Variants in NLRC4 observed in about 807,000 individuals in gnomAD.
The protein encoded by NLRC4 is NLR family CARD domain containing 4.
In NLRC4, 63 loss-of-function variants were observed where a neutral mutation model predicts 79.9. That is an observed-to-expected ratio of 0.79 (90% CI 0.64 to 0.97). The LOEUF (loss-of-function observed/expected upper bound fraction) is 0.97. Ranked by LOEUF, NLRC4 falls within the 50% of genes least tolerant of loss-of-function variation. The probability of loss-of-function intolerance (pLI) is 0.00; values close to 1 mark genes in which losing one functional copy is unlikely to be tolerated. For synonymous variants in NLRC4, 461 were observed against 456.5 expected (o/e 1.01, Z -0.12); for missense variants, 1,074 against 1,215.2 (o/e 0.88, Z 1.73).
At chr2:32,247,202 G>A (rs1052156130) in intron 4 of NLRC4, among the ~76,000 whole-genome samples, 2 of 152,214 alleles carry the variant, frequency 1.3e-5, no homozygotes, top group African/African-American at 4.8e-5. Flanking sequence ...CTTGAAGTAG[G>A]GCAGGGTGCC....
intron 1 of NLRC4, among the ~76,000 whole-genome samples, chr2:32,257,426 G>C (rs2148946658): frequency 6.6e-6 from 1 of 152,136 alleles, no homozygotes; most frequent in Non-Finnish European, 1.5e-5. Context: ...TGACCAACAT[G>C]GTGAATCCTG....
intron 4 of NLRC4, among the ~76,000 whole-genome samples, chr2:32,246,490 G>C (rs1686940828): frequency 6.6e-6 from 1 of 152,198 alleles, no homozygotes; most frequent in African/African-American, 2.4e-5. Context: ...TGACAAGCAA[G>C]GCAGAGCTGG....
chr2:32,251,045 G>A lies in NLRC4; in HGVS notation c.819C>T (p.Asn273=), dbSNP rs777122100. 6.2e-7 allele frequency: 1 copy of A among 1,614,200 alleles called. No homozygotes were observed. Among genetic ancestry groups the A allele is most frequent in the South Asian group, 1.1e-5 (1 of 91,082 alleles). The change falls in exon 4 of 9, where the codon AAC becomes AAT. Residue 273 remains asparagine, a synonymous_variant. Coordinates refer to ENST00000402280, the MANE Select transcript of NLRC4 (RefSeq NM_001199138.2). ...ALIKENHRFK[N]MVIVTTTTEC... is the part of the protein sequence containing the mutation. ...CAGTGGTAGTGGTGACGATGACCAT[G>A]TTCTTGAAGCGGTGGTTTTCCTTTA...
chr2:32,249,522 A>C, intron 4 of NLRC4, 85 bp downstream of exon 4: 1 of 1,101,284 alleles, frequency 9.1e-7, no homozygotes, highest in Non-Finnish European at 1.3e-6. Context: ...TAGAAGAAAT[A>C]AAGTCTCCTC....
At chr2:32,242,554 A>T (rs1209799680) in intron 4 of NLRC4, among the ~76,000 whole-genome samples, 2 of 152,252 alleles carry the variant, frequency 1.3e-5, no homozygotes, top group Non-Finnish European at 1.5e-5. Context: ...AGGCACAGAT[A>T]TGTTCACTTG....
At chr2:32,232,579 T>C (rs966818307) in intron 8 of NLRC4, among the ~76,000 whole-genome samples, 3 of 152,328 alleles carry the variant, frequency 2.0e-5, no homozygotes, top group African/African-American at 7.2e-5. Context: ...CCATTGCATC[T>C]ATCACACACA....
rs57570626 is a variant in NLRC4, at chr2:32,259,262, ATTTTTTTT to A, written c.-118-2377_-118-2370del. On this transcript the variant is annotated intron_variant, in intron 1 of 8. Transcript: ENST00000402280. ...AGGTGTGTGCCACCATGCCTGGCTA[ATTTTTTTT>A]TTTTTTTTTTTTTTTTTTTTAGAGA... Among the ~76,000 whole-genome samples, 91 of 52,896 alleles carry A rather than the reference ATTTTTTTT, an allele frequency of 1.7e-3. 2 individuals are homozygous for A. The highest frequency in any genetic ancestry group is 7.7e-3 in the African/African-American group (82 of 10,698). The allele number at this position is 52,896 out of a possible 152,430, so 34.7% of individuals were successfully genotyped here. A position where few individuals can be genotyped will look rare whatever the true frequency, so the allele number is the denominator to read the frequency against.
chr2:32,251,316 G>A lies in NLRC4; in HGVS notation c.548C>T (p.Ala183Val). Residue 183 changes from alanine (A) to valine (V), a missense_variant, in exon 4 of 9, where the codon GCC becomes GTC. Coordinates refer to ENST00000402280, the MANE Select transcript of NLRC4 (RefSeq NM_001199138.2). Reference sequence around the variant, plus strand: ...GCACTTTCCGGAGCCCCAGAGCATGGCAATTCGCTGCAGCAGAGTGGACTT... The same window carrying A: ...GCACTTTCCGGAGCCCCAGAGCATGACAATTCGCTGCAGCAGAGTGGACTT... ...KGKSTLLQRIAMLWGSGKCKA... is the reference protein window; with the variant it reads ...KGKSTLLQRIVMLWGSGKCKA... 6.2e-7 allele frequency: 1 copy of A among 1,614,112 alleles called. No individual in the cohort carries two copies. Among genetic ancestry groups the A allele is most frequent in the Non-Finnish European group, 8.5e-7 (1 of 1,180,022 alleles).
chr2:32,250,814 A>G lies in NLRC4; in HGVS notation c.1050T>C (p.Gly350=). The part of the protein sequence containing the change: ...FVVITCAIQM[G]ESEFHSHTQT... ...GTGTGTGAGAGTGGAACTCACTTTC[A>G]CCCATCTGGATTGCACAAGTGATGA... The change falls in exon 4 of 9, where the codon GGT becomes GGC. Residue 350 remains glycine, a synonymous_variant. Transcript: ENST00000402280. The surrounding 1 kb of genome is among the most constrained non-coding windows in gnomAD (Gnocchi z 4.9). 6.2e-7 allele frequency: 1 copy of G among 1,614,082 alleles called. No individual in the cohort carries two copies. Among genetic ancestry groups the G allele is most frequent in the Non-Finnish European group, 8.5e-7 (1 of 1,179,994 alleles).
At chr2:32,233,676 G>T (rs1686606846) in intron 8 of NLRC4, among the ~76,000 whole-genome samples, 1 of 151,998 alleles carries the variant, frequency 6.6e-6, no homozygotes, top group South Asian at 2.1e-4. Context: ...AATTTTGGGG[G>T]ATTTTTTAAG....
Position 32,237,945 on chromosome 2 carries a change from C to G in NLRC4, c.2521+187G>C, listed in dbSNP as rs567870722. Among the ~76,000 whole-genome samples the G allele has an allele frequency of 1.1e-4, 16 of 152,306 alleles. No homozygotes were observed. The South Asian group carries it at 3.3e-3, about 32-fold the overall frequency. On this transcript the variant is annotated intron_variant, in intron 6 of 8. Transcript: ENST00000402280. ...TCTGAAATTCTCCCCTATTATCCAT[C>G]AATAGTTGATTTAATTCTAATATGG... is the stretch of plus-strand genomic sequence containing the variant.
intron 8 of NLRC4, among the ~76,000 whole-genome samples, chr2:32,229,188 G>A (rs1198252059): frequency 6.6e-6 from 1 of 151,952 alleles, no homozygotes; most frequent in African/African-American, 2.4e-5. Context: ...CCAGCACTTT[G>A]GGAGGCTGAA....
At chr2:32,238,356 C>T in intron 5 of NLRC4, 54 bp from the exon 6 acceptor site, 1 of 1,442,176 alleles carries the variant, frequency 6.9e-7, no homozygotes, top group South Asian at 1.2e-5. Context: ...TCGATTTAAG[C>T]ATAGATTAAT....
At chr2:32,253,306 C>T (rs1687127210) in intron 2 of NLRC4, among the ~76,000 whole-genome samples, 1 of 151,774 alleles carries the variant, frequency 6.6e-6, no homozygotes, top group African/African-American at 2.4e-5. Flanking sequence ...CGCACCACCA[C>T]ACTCAGCTAA....
At chr2:32,233,403 G>T (rs1219491485) in intron 8 of NLRC4, among the ~76,000 whole-genome samples, 1 of 134,712 alleles carries the variant, frequency 7.4e-6, no homozygotes, top group Non-Finnish European at 1.5e-5. Context: ...TATTGCCCAG[G>T]CTGGTTTCAA....
intron 5 of NLRC4, 24 bp from the exon 6 acceptor site, chr2:32,238,326 C>T (rs1338801686): frequency 3.8e-6 from 6 of 1,580,374 alleles, no homozygotes; most frequent in African/African-American, 1.4e-5. Context: ...GAAAGGAATG[C>T]ATTAGGATAC....
chr2:32,230,566 G>T (rs763839389), intron 8 of NLRC4, among the ~76,000 whole-genome samples: 1 of 150,732 alleles, frequency 6.6e-6, no homozygotes, highest in African/African-American at 2.5e-5. Flanking sequence ...CCACCTTCTC[G>T]GTTCAAGAGA....
chr2:32,233,044 C>T (rs537407392), intron 8 of NLRC4, among the ~76,000 whole-genome samples: 1 of 144,266 alleles, frequency 6.9e-6, no homozygotes, highest in Admixed American at 7.2e-5. Flanking sequence ...CCCAGAAGTT[C>T]AAGGTTAGTG....
rs758911792 is a variant in NLRC4 at position 32,224,706 on chromosome 2, G to A, written c.2842C>T (p.Arg948Cys). The change falls in exon 9 of 9, where the codon CGT becomes TGT. Residue 948 changes from arginine to cysteine, a missense_variant. Arg to Cys is a radical substitution (Grantham distance 180, BLOSUM62 -3). Coordinates refer to ENST00000402280, the MANE Select transcript of NLRC4 (RefSeq NM_001199138.2). ...NFQQLNLAGN[R>C]VSSDGWLAFM... ...GCAAGCCATCCATCACTGCTCACAC[G>A]ATTTCCCGCCAAATTCAACTGCTGG... 25 of 1,602,886 alleles carry A rather than the reference G, an allele frequency of 1.6e-5. No homozygotes were observed. The highest frequency in any genetic ancestry group is 3.4e-5 in the South Asian group (3 of 88,552).
Sources: allele counts gnomAD v4.1 joint callset (sites outside exome capture counted in the v4.1 genomes callset), GRCh38; gene constraint gnomAD v4.1.1; non-coding constraint Gnocchi (gnomAD v3.1); transcripts MANE v1.5; gene names NCBI Gene and HGNC (gene_info 2026-07-23, HGNC 2026-07-21).